The following WDR7 variants were observed in gnomAD, a reference collection of about 807,000 sequenced individuals.
WDR7 encodes the protein WD repeat-containing protein 7.
Under a neutral mutation model 169.4 loss-of-function variants are expected in WDR7, and 46 were observed. The observed-to-expected ratio is 0.27, with a 90% CI of 0.21 to 0.35. WDR7 has a LOEUF of 0.35. WDR7 is among the 10% of genes least tolerant of loss of function. The probability of loss-of-function intolerance (pLI) is 1.00; values close to 1 mark genes in which losing one functional copy is unlikely to be tolerated. For missense variants in WDR7, 1,534 were observed against 1,859.3 expected (o/e 0.83, Z 3.22); for synonymous variants, 612 against 666.8 (o/e 0.92, Z 1.27).
intron 26 of WDR7, among the ~76,000 whole-genome samples, chr18:56,974,313 CCCTTTTCCTTT>C (rs1013764470): frequency 1.1e-4 from 16 of 151,584 alleles, no homozygotes; most frequent in African/African-American, 1.5e-4. Flanking sequence ...CTTGTCCTTT[CCCTTTTCCTTT>C]CCTTTTCCTT....
At chr18:56,678,514 T>A (rs2025289581) in intron 2 of WDR7, among the ~76,000 whole-genome samples, 1 of 141,828 alleles carries the variant, frequency 7.1e-6, no homozygotes, top group Non-Finnish European at 1.6e-5. Flanking sequence ...TTTTTTTTTT[T>A]GAGACGGAGT....
chr18:57,023,690 C>T (rs916859459), intron 27 of WDR7, among the ~76,000 whole-genome samples: 12 of 152,146 alleles, frequency 7.9e-5, no homozygotes, highest in Admixed American at 1.3e-4. Context: ...TTTCTAACCC[C>T]GTTTTCTACA....
chr18:56,826,632 G>T (rs1372609703), intron 20 of WDR7, among the ~76,000 whole-genome samples: 1 of 152,100 alleles, frequency 6.6e-6, no homozygotes, highest in Non-Finnish European at 1.5e-5. Flanking sequence ...CTAGAAAGAG[G>T]AGTCCTCACT....
intron 22 of WDR7, among the ~76,000 whole-genome samples, chr18:56,933,239 A>C (rs1385896136): frequency 1.3e-5 from 2 of 152,182 alleles, no homozygotes; most frequent in Non-Finnish European, 2.9e-5. Flanking sequence ...ATTTCTCATG[A>C]CACAGCCCAG....
At chr18:56,802,045 T>A (rs1262345174) in intron 19 of WDR7, among the ~76,000 whole-genome samples, 3 of 152,220 alleles carry the variant, frequency 2.0e-5, no homozygotes, top group Admixed American at 2.0e-4. Context: ...TCAGTAGAAC[T>A]GTCTTCCAAA....
At position 56,939,343 on chromosome 18, in the gene WDR7, A is replaced by G. The variant is rs139596592; in HGVS notation, c.4014A>G (p.Gly1338=). ...VMDIIMYCLE[G]SLVKKKGLQE... ...ACATCATTATGTACTGCCTTGAAGGATCTTTAGTTAAAAAGAAAGGTCTTC... is the reference window on the plus strand; with the variant it reads ...ACATCATTATGTACTGCCTTGAAGGGTCTTTAGTTAAAAAGAAAGGTCTTC... Residue 1338 remains glycine, a synonymous_variant, in exon 25 of 28, where the codon GGA becomes GGG. Coordinates refer to ENST00000254442, the MANE Select transcript of WDR7 (RefSeq NM_015285.3). 3,307 of 1,586,892 alleles carry G rather than the reference A, an allele frequency of 2.1e-3. 19 individuals carry two copies. The Middle Eastern group carries it at 0.036, about 18-fold the overall frequency.
intron 20 of WDR7, among the ~76,000 whole-genome samples, chr18:56,861,267 C>G (rs1176084297): frequency 6.6e-6 from 1 of 152,184 alleles, no homozygotes; most frequent in Non-Finnish European, 1.5e-5. Context: ...GCCGCCCTTT[C>G]ACAACCTTCA....
Position 56,769,256 on chromosome 18 carries a change from C to T in WDR7, c.2849-7526C>T, listed in dbSNP as rs549055448. On this transcript the variant is annotated intron_variant, in intron 16 of 27. Transcript: ENST00000254442. Reference sequence around the variant, plus strand: ...TTCCTTTGAGACGGAGTCTCACTCTCTTGTCCAGGCTGGACCGCAGTGGTG... The same window carrying T: ...TTCCTTTGAGACGGAGTCTCACTCTTTTGTCCAGGCTGGACCGCAGTGGTG... 7.9e-5 allele frequency among the ~76,000 whole-genome samples: 12 copies of T among 151,046 alleles called. No individual in the cohort carries two copies. The East Asian group carries it at 2.3e-3, about 30-fold the overall frequency.
At chr18:56,774,484 C>T (rs574600252) in intron 16 of WDR7, among the ~76,000 whole-genome samples, 2 of 152,064 alleles carry the variant, frequency 1.3e-5, no homozygotes, top group Non-Finnish European at 2.9e-5. Flanking sequence ...TTTTCCCAAT[C>T]CTTAATAAGA....
In WDR7 at chr18:56,935,771, T is replaced by G. The variant is rs1456226106; in HGVS notation, c.3714-17T>G. On this transcript the variant is annotated splice_polypyrimidine_tract_variant and intron_variant, in intron 22 of 27. Transcript: ENST00000254442. ...ATGCTTCTTTTCTTTTTTTCCCTTT[T>G]TCTGATCCCTGTTTAGCATCACAAT... 6.2e-7 allele frequency: 1 copy of G among 1,612,090 alleles called. No individual in the cohort carries two copies. Among genetic ancestry groups the G allele is most frequent in the South Asian group, 1.1e-5 (1 of 91,030 alleles).
intron 20 of WDR7, among the ~76,000 whole-genome samples, chr18:56,828,306 T>C (rs2045246632): frequency 6.6e-6 from 1 of 152,196 alleles, no homozygotes; most frequent in South Asian, 2.1e-4. Context: ...AATTTGACCA[T>C]GAAGGTGAAT....
At chr18:56,818,802 G>C (rs1296040372) in intron 20 of WDR7, among the ~76,000 whole-genome samples, 1 of 148,446 alleles carries the variant, frequency 6.7e-6, no homozygotes, top group East Asian at 1.9e-4. Flanking sequence ...GTTGTAGAGA[G>C]CCAGTACTAC....
chr18:56,991,435 A>G lies in WDR7; in HGVS notation c.4164+28906A>G, dbSNP rs533928894. ...GCTAGGATTACAGGCATGAGCCACC[A>G]TGCCCGGCCTCATTTTTTAAATATT... On this transcript the variant is annotated intron_variant, in intron 26 of 27. Transcript: ENST00000254442. 2.3e-3 allele frequency among the ~76,000 whole-genome samples: 346 copies of G among 152,260 alleles called. 1 individual carries two copies. The highest frequency in any genetic ancestry group is 7.2e-3 in the African/African-American group (301 of 41,570).
intron 20 of WDR7, among the ~76,000 whole-genome samples, chr18:56,866,360 C>A (rs966551366): frequency 6.6e-6 from 1 of 151,402 alleles, no homozygotes; most frequent in African/African-American, 2.4e-5. Context: ...TTTAATGAAT[C>A]TGGAAAGTGA....
chr18:56,918,135 G>T (rs1018046010), intron 21 of WDR7, among the ~76,000 whole-genome samples: 3 of 152,178 alleles, frequency 2.0e-5, no homozygotes, highest in African/African-American at 4.8e-5. Context: ...AACAGAGGTG[G>T]TGCTGAGATG....
At chr18:56,906,541 CTTCT>C (rs1314391706) in intron 21 of WDR7, among the ~76,000 whole-genome samples, 1 of 115,488 alleles carries the variant, frequency 8.7e-6, no homozygotes, top group Non-Finnish European at 1.7e-5. Flanking sequence ...TCTTTCTTTC[CTTCT>C]TTTTTTTTTT....
rs546762754 is a variant in WDR7, at chr18:56,734,421, G to A, written c.1989+2824G>A. On this transcript the variant is annotated intron_variant, in intron 14 of 27. Coordinates refer to ENST00000254442, the MANE Select transcript of WDR7 (RefSeq NM_015285.3). The stretch of plus-strand genomic sequence containing the variant: ...CTTCTACCTACATCACATCATGCTG[G>A]TAGTAGCCTCCTCTTTCCAGTTGTG... 1.3e-4 allele frequency among the ~76,000 whole-genome samples: 20 copies of A among 151,382 alleles called. 1 individual carries two copies. Among genetic ancestry groups the A allele is most frequent in the Admixed American group, 1.3e-3 (19 of 15,170 alleles).
chr18:56,976,701 A>G (rs1050474781), intron 26 of WDR7, among the ~76,000 whole-genome samples: 6 of 152,222 alleles, frequency 3.9e-5, no homozygotes, highest in African/African-American at 1.2e-4. Flanking sequence ...CTTTAAAACA[A>G]ATACACCCGT....
chr18:56,937,391 TAAATAAA>T (rs1041264108), intron 23 of WDR7, among the ~76,000 whole-genome samples: 1 of 144,892 alleles, frequency 6.9e-6, no homozygotes, highest in African/African-American at 2.9e-5. Flanking sequence ...AAAAAATAAA[TAAATAAA>T]AATAAATGAA....
Sources: allele counts gnomAD v4.1 joint callset (sites outside exome capture counted in the v4.1 genomes callset), GRCh38; gene constraint gnomAD v4.1.1; transcripts MANE v1.5; gene names NCBI Gene and HGNC (gene_info 2026-07-23, HGNC 2026-07-21).